Variants in PTPRD observed in about 807,000 individuals in gnomAD.
PTPRD encodes the protein protein tyrosine phosphatase receptor type D, also known as receptor-type tyrosine-protein phosphatase delta.
Under a neutral mutation model 214.5 loss-of-function variants are expected in PTPRD, and 34 were observed. The ratio of observed to expected loss-of-function variants is 0.16; its 90% confidence interval spans 0.12 to 0.21. The LOEUF is 0.21. Ranked by LOEUF, PTPRD falls within the 10% of genes least tolerant of loss-of-function variation. The pLI, the probability that PTPRD is intolerant of heterozygous loss-of-function variation, is 1.00. For missense variants in PTPRD, 2,545 were observed against 2,398.7 expected (o/e 1.06, Z -1.27); for synonymous variants, 1,128 against 845.7 (o/e 1.33, Z -5.79).
At chr9:9,869,905 A>G (rs1225197892) in intron 5 of PTPRD, among the ~76,000 whole-genome samples, 1 of 152,076 alleles carries the variant, frequency 6.6e-6, no homozygotes, top group Non-Finnish European at 1.5e-5. Flanking sequence ...ATTAGAGAAC[A>G]GCCACTAGAT....
intron 20 of PTPRD, 75 bp downstream of exon 20, chr9:8,521,202 G>C (rs1321092596): frequency 6.7e-7 from 1 of 1,484,880 alleles, no homozygotes; most frequent in African/African-American, 1.4e-5. Flanking sequence ...GATTTTCAAG[G>C]ATGGGCTTTC....
At chr9:8,430,937 T>G (rs1475431124) in intron 35 of PTPRD, among the ~76,000 whole-genome samples, 1 of 152,216 alleles carries the variant, frequency 6.6e-6, no homozygotes. Context: ...ATACTTGTCT[T>G]TGACAACTAC....
At chr9:9,856,367 G>C (rs1163970592) in intron 5 of PTPRD, among the ~76,000 whole-genome samples, 1 of 152,048 alleles carries the variant, frequency 6.6e-6, no homozygotes, top group Admixed American at 6.5e-5. Context: ...ACGGTCTCAG[G>C]GTTTTTGGCT....
chr9:9,970,462 GAA>G (rs147601049), intron 4 of PTPRD, among the ~76,000 whole-genome samples: 8 of 144,454 alleles, frequency 5.5e-5, no homozygotes, highest in Non-Finnish European at 4.5e-5. Flanking sequence ...AAAAGAAAAA[GAA>G]AAAAAAAATT....
chr9:10,088,802 A>G (rs2098392183), intron 3 of PTPRD, among the ~76,000 whole-genome samples: 1 of 151,730 alleles, frequency 6.6e-6, no homozygotes, highest in Admixed American at 6.6e-5. Flanking sequence ...ATCACAAAAT[A>G]TACTCACTAA....
intron 2 of PTPRD, among the ~76,000 whole-genome samples, chr9:10,393,150 C>T (rs1261586395): frequency 1.3e-5 from 2 of 151,782 alleles, no homozygotes; most frequent in Non-Finnish European, 2.9e-5. Flanking sequence ...TATCTTTATG[C>T]TCAAAATATC....
intron 2 of PTPRD, among the ~76,000 whole-genome samples, chr9:10,361,477 C>G (rs1166208693): frequency 6.6e-6 from 1 of 152,058 alleles, no homozygotes; most frequent in Non-Finnish European, 1.5e-5. Flanking sequence ...GCAGAGTGGA[C>G]AGTTGGGTGT....
chr9:9,666,164 C>T (rs547928336), intron 7 of PTPRD, among the ~76,000 whole-genome samples: 8 of 151,756 alleles, frequency 5.3e-5, no homozygotes, highest in Non-Finnish European at 1.2e-4. Context: ...ATTAAAGCAA[C>T]TGAAACTTTA....
At chr9:9,739,039 TAATA>T (rs1564885287) in intron 6 of PTPRD, among the ~76,000 whole-genome samples, 1 of 152,190 alleles carries the variant, frequency 6.6e-6, no homozygotes, top group African/African-American at 2.4e-5. Context: ...ATATTAAAAT[TAATA>T]ATCTGGTACA....
At chr9:9,833,138 C>A (rs1565611195) in intron 5 of PTPRD, among the ~76,000 whole-genome samples, 1 of 151,868 alleles carries the variant, frequency 6.6e-6, no homozygotes, top group South Asian at 2.1e-4. Context: ...TTCTAAGGAA[C>A]AAAATAACTA....
At chr9:10,044,528 T>A (rs1007137732) in intron 3 of PTPRD, among the ~76,000 whole-genome samples, 1 of 151,760 alleles carries the variant, frequency 6.6e-6, no homozygotes, top group African/African-American at 2.4e-5. Context: ...TAGCCACAAA[T>A]ACAGGGAATC....
At chr9:9,180,084 A>G (rs2099927299) in intron 10 of PTPRD, among the ~76,000 whole-genome samples, 1 of 152,040 alleles carries the variant, frequency 6.6e-6, no homozygotes, top group South Asian at 2.1e-4. Flanking sequence ...TGACCCAGCC[A>G]TCCCATTACT....
At chr9:9,219,499 G>T (rs1055214138) in intron 9 of PTPRD, among the ~76,000 whole-genome samples, 2 of 151,764 alleles carry the variant, frequency 1.3e-5, no homozygotes, top group Non-Finnish European at 2.9e-5. Context: ...ATTCCTTAAA[G>T]TTTAAAGCAG....
At chr9:8,654,788 T>A (rs1043771715) in intron 12 of PTPRD, among the ~76,000 whole-genome samples, 3 of 152,160 alleles carry the variant, frequency 2.0e-5, no homozygotes, top group African/African-American at 7.2e-5. Context: ...TCCCTTCCTA[T>A]GTATTTATTT....
chr9:10,313,229 T>A (rs2096319287), intron 3 of PTPRD, among the ~76,000 whole-genome samples: 1 of 151,936 alleles, frequency 6.6e-6, no homozygotes, highest in Admixed American at 6.6e-5. Flanking sequence ...TAATTCCTGA[T>A]AATTACACAC....
chr9:9,628,383 T>G (rs1228421435), intron 7 of PTPRD, among the ~76,000 whole-genome samples: 1 of 152,168 alleles, frequency 6.6e-6, no homozygotes, highest in South Asian at 2.1e-4. Context: ...TTCCCTTTTT[T>G]GTTCCCCCTT....
At chr9:10,492,543 C>G (rs2040660375) in intron 2 of PTPRD, among the ~76,000 whole-genome samples, 1 of 152,012 alleles carries the variant, frequency 6.6e-6, no homozygotes, top group Non-Finnish European at 1.5e-5. Context: ...ATCCTTTGCC[C>G]AGTTTTTGAT....
In PTPRD at chr9:9,074,537, G is replaced by A. The variant is rs74656334; in HGVS notation, c.-142-55802C>T. Among the ~76,000 whole-genome samples, 1,249 of 152,016 alleles carry A rather than the reference G, an allele frequency of 8.2e-3. 16 individuals are homozygous for A. The highest frequency in any genetic ancestry group is 0.028 in the African/African-American group (1,161 of 41,510). ...TGTTTTATGGATTTGGTAGAATTTGGGAGTGAAATATAGACCAAGACTATG... is the reference window on the plus strand; with the variant it reads ...TGTTTTATGGATTTGGTAGAATTTGAGAGTGAAATATAGACCAAGACTATG... On this transcript the variant is annotated intron_variant, in intron 10 of 45. Transcript: ENST00000381196.
intron 3 of PTPRD, among the ~76,000 whole-genome samples, chr9:10,262,357 C>T (rs1485600865): frequency 6.6e-6 from 1 of 152,144 alleles, no homozygotes; most frequent in Non-Finnish European, 1.5e-5. Context: ...GAGTGCATCT[C>T]ATTTACTCAT....
Sources: gnomAD v4.1 joint callset for allele counts (sites outside exome capture counted in the v4.1 genomes callset) on GRCh38, gnomAD v4.1.1 for gene constraint, MANE v1.5 for transcripts, NCBI Gene and HGNC (gene_info 2026-07-23, HGNC 2026-07-21) for gene names.